ANK3: variants seen among roughly 807,000 people sequenced by gnomAD.
ANK3 encodes ankyrin 3, also known as ankyrin-3.
A neutral mutation model predicts 370.9 loss-of-function variants in ANK3; 57 were observed. The ratio of observed to expected loss-of-function variants is 0.15; its 90% CI spans 0.12 to 0.19. The LOEUF is 0.19. Ranked by LOEUF, ANK3 falls within the 10% of genes least tolerant of loss-of-function variation. The pLI is 1.00. For synonymous variants in ANK3, 1,929 were observed against 1,946.3 expected (o/e 0.99, Z 0.23); for missense variants, 4,439 against 5,302.1 (o/e 0.84, Z 5.06).
intron 2 of ANK3, among the ~76,000 whole-genome samples, chr10:60,423,337 T>C (rs2063816187): frequency 6.6e-6 from 1 of 151,800 alleles, no homozygotes; most frequent in African/African-American, 2.4e-5. Context: ...ACAATATCCA[T>C]AGCTGCCTCT....
intron 11 of ANK3, among the ~76,000 whole-genome samples, 183 bp from the exon 12 acceptor site, chr10:60,203,283 C>T (rs1191592801): frequency 6.6e-6 from 1 of 152,116 alleles, no homozygotes; most frequent in African/African-American, 2.4e-5. Context: ...ATATAATCAT[C>T]GTTTTCCTAA....
At chr10:60,054,657 G>A (rs143638141) in intron 42 of ANK3, among the ~76,000 whole-genome samples, 135 of 152,284 alleles carry the variant, frequency 8.9e-4, no homozygotes, top group African/African-American at 2.9e-3. Context: ...GCTCCTGAGC[G>A]ATTGAGTTTG....
chr10:60,670,022 G>A (rs560124370), intron 1 of ANK3, among the ~76,000 whole-genome samples: 21 of 151,918 alleles, frequency 1.4e-4, no homozygotes, highest in African/African-American at 4.3e-4. Flanking sequence ...ACAGGGTCTC[G>A]CTATGTTGCC....
chr10:60,147,340 C>T (rs2094880230), intron 23 of ANK3, among the ~76,000 whole-genome samples: 1 of 152,134 alleles, frequency 6.6e-6, no homozygotes, highest in Admixed American at 6.5e-5. Flanking sequence ...CACTTCCTGC[C>T]CCCTTCACTC....
chr10:60,714,462 T>C (rs929255967), intron 1 of ANK3, among the ~76,000 whole-genome samples: 1 of 152,128 alleles, frequency 6.6e-6, no homozygotes, highest in African/African-American at 2.4e-5. Flanking sequence ...CAAACCACTA[T>C]CTTTCATAAA....
intron 8 of ANK3, among the ~76,000 whole-genome samples, chr10:60,220,506 T>A (rs1036601033): frequency 6.6e-6 from 1 of 152,234 alleles, no homozygotes; most frequent in African/African-American, 2.4e-5. Flanking sequence ...CTCTGAAGCC[T>A]GGGAGGTTCA....
intron 25 of ANK3, among the ~76,000 whole-genome samples, chr10:60,118,052 T>C (rs375961098): frequency 6.6e-6 from 1 of 152,084 alleles, no homozygotes; most frequent in Non-Finnish European, 1.5e-5. Flanking sequence ...AAGAACAATA[T>C]ACATGCAGTA....
chr10:60,201,153 G>A (rs1466807669), intron 12 of ANK3, among the ~76,000 whole-genome samples: 3 of 152,224 alleles, frequency 2.0e-5, no homozygotes, highest in Non-Finnish European at 2.9e-5. Flanking sequence ...CTGGTGGATT[G>A]TGTTTACTGG....
rs996873469 is a variant in ANK3 at position 60,115,658 on chromosome 10, C to G, written c.2842-1327G>C. On this transcript the variant is annotated intron_variant, in intron 25 of 43. Coordinates refer to ENST00000280772, the MANE Select transcript of ANK3 (RefSeq NM_020987.5). ...AGAAGGAATCAAATGGGCATTGGTT[C>G]AGTGCTAAATACAATGTCAGTTCTT... Among the ~76,000 whole-genome samples the G allele has an allele frequency of 2.6e-4, 39 of 152,036 alleles. 1 individual carries two copies. Among genetic ancestry groups the G allele is most frequent in the Non-Finnish European group, 2.9e-5 (2 of 68,014 alleles).
At chr10:60,450,198 G>A (rs1290408170) in intron 2 of ANK3, among the ~76,000 whole-genome samples, 1 of 152,142 alleles carries the variant, frequency 6.6e-6, no homozygotes, top group Non-Finnish European at 1.5e-5. Context: ...AGAGGCTGAG[G>A]CAGGAGGATC....
At chr10:60,520,485 T>C (rs1299108843) in intron 2 of ANK3, among the ~76,000 whole-genome samples, 4 of 152,090 alleles carry the variant, frequency 2.6e-5, no homozygotes, top group Non-Finnish European at 4.4e-5. Flanking sequence ...AATCCATTCA[T>C]AGGAATGAAA....
At chr10:60,051,106 T>G (rs1455092191) in intron 42 of ANK3, among the ~76,000 whole-genome samples, 1 of 152,180 alleles carries the variant, frequency 6.6e-6, no homozygotes, top group Admixed American at 6.5e-5. Context: ...GCCTCATACC[T>G]TGTTACAGTT....
At chr10:60,116,540 T>C (rs889003057) in intron 25 of ANK3, among the ~76,000 whole-genome samples, 3 of 151,718 alleles carry the variant, frequency 2.0e-5, no homozygotes, top group Non-Finnish European at 4.4e-5. Context: ...TATTCATTAA[T>C]ATCTAGAGAG....
chr10:60,447,577 G>A (rs2064483909), intron 2 of ANK3, among the ~76,000 whole-genome samples: 1 of 152,148 alleles, frequency 6.6e-6, no homozygotes, highest in Non-Finnish European at 1.5e-5. Context: ...CAAACAACAA[G>A]GGAATTCCAA....
chr10:60,384,783 G>A (rs111738389), intron 1 of ANK3, among the ~76,000 whole-genome samples: 1,605 of 152,250 alleles, frequency 0.011, 29 homozygotes, highest in African/African-American at 0.037. Flanking sequence ...ATGAATCCAG[G>A]ACATTTAATT....
At chr10:60,181,952 A>G (rs2096203122) in intron 17 of ANK3, among the ~76,000 whole-genome samples, 1 of 152,160 alleles carries the variant, frequency 6.6e-6, no homozygotes, top group Admixed American at 6.5e-5. Context: ...GCAATTATCA[A>G]AGTTTTCCTA....
intron 1 of ANK3, among the ~76,000 whole-genome samples, chr10:60,680,959 G>A (rs779160577): frequency 5.3e-5 from 8 of 152,154 alleles, no homozygotes; most frequent in Non-Finnish European, 1.0e-4. Flanking sequence ...ACAGTGCCTG[G>A]TACACATGAA....
chr10:60,358,314 G>A (rs2058102432), intron 1 of ANK3, among the ~76,000 whole-genome samples: 1 of 152,082 alleles, frequency 6.6e-6, no homozygotes, highest in Non-Finnish European at 1.5e-5. Flanking sequence ...TGTAGATAGG[G>A]CATGCAATCA....
intron 28 of ANK3, among the ~76,000 whole-genome samples, chr10:60,091,630 C>T (rs1422355849): frequency 1.3e-5 from 2 of 152,014 alleles, no homozygotes; most frequent in South Asian, 2.1e-4. Context: ...AGACAAAGAG[C>T]GACTGCCCTG....
Sources: allele counts gnomAD v4.1 joint callset (sites outside exome capture counted in the v4.1 genomes callset), GRCh38; gene constraint gnomAD v4.1.1; transcripts MANE v1.5; gene names NCBI Gene and HGNC (gene_info 2026-07-23, HGNC 2026-07-21).